STYX: variants seen among roughly 807,000 people sequenced by gnomAD.
The protein encoded by STYX is serine/threonine/tyrosine interacting protein.
A neutral mutation model predicts 42.7 loss-of-function variants in STYX; 20 were observed. The ratio of observed to expected loss-of-function variants is 0.47; its 90% CI spans 0.33 to 0.68. The LOEUF is 0.68. STYX is among the 30% of genes least tolerant of loss of function. STYX has a pLI of 0.02. For missense variants in STYX, 226 were observed against 268.5 expected (o/e 0.84, Z 1.11); for synonymous variants, 78 against 81.9 (o/e 0.95, Z 0.26).
At chr14:52,760,801 T>A (rs895489836) in intron 9 of STYX, among the ~76,000 whole-genome samples, 2 of 152,146 alleles carry the variant, frequency 1.3e-5, no homozygotes, top group Admixed American at 6.5e-5. Context: ...TCATTTTTTT[T>A]AAACTATTTT....
chr14:52,764,718 G>C (rs1882233481), intron 9 of STYX, among the ~76,000 whole-genome samples: 1 of 137,476 alleles, frequency 7.3e-6, no homozygotes, highest in Non-Finnish European at 1.5e-5. Flanking sequence ...GCCCAGGCTG[G>C]AGTACAGTGG....
At chr14:52,754,124 G>A (rs1401653867) in intron 4 of STYX, among the ~76,000 whole-genome samples, 1 of 151,902 alleles carries the variant, frequency 6.6e-6, no homozygotes, top group Non-Finnish European at 1.5e-5. Flanking sequence ...TCCTGACCTC[G>A]TGATCCGCCT....
At chr14:52,759,888 T>C (rs1264172003) in intron 9 of STYX, 134 bp downstream of exon 9, 3 of 625,246 alleles carry the variant, frequency 4.8e-6, no homozygotes, top group South Asian at 4.0e-5. Flanking sequence ...TTATTCAAGT[T>C]TATATCTCTA....
At chr14:52,735,134 T>A (rs1187095548) in intron 1 of STYX, among the ~76,000 whole-genome samples, 1 of 152,174 alleles carries the variant, frequency 6.6e-6, no homozygotes, top group Non-Finnish European at 1.5e-5. Flanking sequence ...CCAGGTATTA[T>A]AAAGCATCAG....
intron 1 of STYX, among the ~76,000 whole-genome samples, chr14:52,744,507 T>A (rs191595348): frequency 8.9e-4 from 135 of 152,160 alleles, no homozygotes; most frequent in African/African-American, 3.1e-3. Flanking sequence ...AGAGTTGGCA[T>A]GAGAAACAAA....
chr14:52,756,764 C>T (rs140692404), intron 5 of STYX, among the ~76,000 whole-genome samples, 153 bp downstream of exon 5: 4,352 of 143,942 alleles, frequency 0.03, 90 homozygotes, highest in Middle Eastern at 0.072. Flanking sequence ...CTTGGCTCAC[C>T]ACAACCTCTG....
chr14:52,756,752 A>T (rs1270778087), intron 5 of STYX, 141 bp downstream of exon 5: 2 of 435,806 alleles, frequency 4.6e-6, no homozygotes, highest in Non-Finnish European at 3.9e-6. Flanking sequence ...CAATGGCGCA[A>T]TCTTGGCTCA....
At chr14:52,757,662 GT>G in intron 6 of STYX, 80 bp from the exon 7 acceptor site, 1 of 1,266,172 alleles carries the variant, frequency 7.9e-7, no homozygotes, top group Non-Finnish European at 1.1e-6. Context: ...TATATAAGGA[GT>G]TACTTTACTG....
In STYX at chr14:52,755,131, T is replaced by TG. The variant is rs796072215; in HGVS notation, c.243-1420_243-1419insG. Among the ~76,000 whole-genome samples, 53 of 150,716 alleles carry TG rather than the reference T, an allele frequency of 3.5e-4. No homozygotes were observed. In the South Asian group the frequency reaches 5.2e-3, roughly 15 times the overall value. On this transcript the variant is annotated intron_variant, in intron 4 of 10. Transcript: ENST00000354586. ...TTTGTTTGTTTTTTTGTTTTTTTTT[T>TG]TTTGTTTTTGAAACAGAGTCTTGCT...
intron 5 of STYX, among the ~76,000 whole-genome samples, chr14:52,756,875 C>T (rs1594877136): frequency 6.6e-6 from 1 of 151,586 alleles, no homozygotes; most frequent in Admixed American, 6.6e-5. Flanking sequence ...TTAGTAGAGA[C>T]GGGGTTTCTC....
chr14:52,766,840 GTTC>G (rs1299485955), intron 9 of STYX, among the ~76,000 whole-genome samples: 1 of 146,714 alleles, frequency 6.8e-6, no homozygotes, highest in East Asian at 2.0e-4. Context: ...TTGCAGCTTT[GTTC>G]TTTTTTTTTT....
rs192469302 is a variant in STYX at position 52,736,416 on chromosome 14, A to G, written c.57+5885A>G. Among the ~76,000 whole-genome samples the G allele has an allele frequency of 5.9e-3, 899 of 152,342 alleles. 7 individuals are homozygous for G. Among genetic ancestry groups the G allele is most frequent in the African/African-American group, 0.02 (825 of 41,568 alleles). ...TTCATAAGAGAGCTTAGATATTAGG[A>G]AGAAGGAGTAGCTGATAGTACCAAT... On this transcript the variant is annotated intron_variant, in intron 1 of 10. Coordinates refer to ENST00000354586, the MANE Select transcript of STYX (RefSeq NM_145251.4).
intron 1 of STYX, among the ~76,000 whole-genome samples, chr14:52,744,379 G>A (rs1312453449): frequency 6.6e-6 from 1 of 152,194 alleles, no homozygotes; most frequent in Non-Finnish European, 1.5e-5. Flanking sequence ...ATCAGAGATG[G>A]CAAGTACGTA....
chr14:52,755,375 G>A (rs1330378616), intron 4 of STYX, among the ~76,000 whole-genome samples: 2 of 151,900 alleles, frequency 1.3e-5, no homozygotes, highest in African/African-American at 4.8e-5. Context: ...CACCTGCCTC[G>A]GCTTCCCCAA....
intron 8 of STYX, 87 bp from the exon 9 acceptor site, chr14:52,759,595 C>T (rs1594878807): frequency 1.1e-6 from 1 of 873,194 alleles, no homozygotes; most frequent in South Asian, 1.5e-5. Context: ...CATTACAACT[C>T]ATTACCCCTC....
chr14:52,756,558 G>C lies in STYX; in HGVS notation c.250G>C (p.Val84Leu), dbSNP rs755539761. ...AAAATACTCTATTTTCAGATATTTA[G>C]TCCTGGATATTGCAGATAATCCAGT... ...PNFQQLFRYL[V>L]LDIADNPVEN... The change falls in exon 5 of 11, where the codon GTC becomes CTC. Residue 84 changes from valine (V) to leucine (L), a missense_variant. Coordinates refer to ENST00000354586, the MANE Select transcript of STYX (RefSeq NM_145251.4). 8.5e-6 allele frequency: 13 copies of C among 1,523,720 alleles called. No individual in the cohort carries two copies. The Admixed American group carries it at 2.5e-4, about 29-fold the overall frequency. 94.4% of individuals were successfully genotyped at this position (1,523,720 alleles called of 1,614,324 possible).
intron 9 of STYX, 127 bp from the exon 10 acceptor site, chr14:52,768,713 T>C: frequency 1.7e-6 from 1 of 587,942 alleles, no homozygotes. Flanking sequence ...CCATTTCTCT[T>C]CAAACAATAT....
Position 52,759,732 on chromosome 14 carries a change from C to T in STYX, c.482C>T (p.Ala161Val). The change falls in exon 9 of 11, where the codon GCT becomes GTT. Residue 161 changes from alanine to valine, a missense_variant. Ala to Val is a moderately conservative substitution (Grantham distance 64). Coordinates refer to ENST00000354586, the MANE Select transcript of STYX (RefSeq NM_145251.4). ...AGAAGATTTTGTATTAATCCTAATG[C>T]TGGATTTGTCCATCAACTTCAGGTA... Reference protein sequence around the residue: ...QERRFCINPNAGFVHQLQEYE... With the variant: ...QERRFCINPNVGFVHQLQEYE... The T allele has an allele frequency of 1.2e-6, 2 of 1,610,728 alleles. No homozygotes were observed. The highest frequency in any genetic ancestry group is 1.7e-6 in the Non-Finnish European group (2 of 1,178,164).
In STYX at chr14:52,742,608, G is replaced by A. The variant is rs139059011; in HGVS notation, c.58-2244G>A. On this transcript the variant is annotated intron_variant, in intron 1 of 10. Transcript: ENST00000354586. Reference sequence around the variant, plus strand: ...TGTGTCATCAAAAGATTTAGAAAAGGCATTTCAGTGTGCTGAGCAGAGGAA... The same window carrying A: ...TGTGTCATCAAAAGATTTAGAAAAGACATTTCAGTGTGCTGAGCAGAGGAA... Among the ~76,000 whole-genome samples, 730 of 152,236 alleles carry A rather than the reference G, an allele frequency of 4.8e-3. 8 individuals carry two copies. Among genetic ancestry groups the A allele is most frequent in the African/African-American group, 0.017 (707 of 41,544 alleles).
Sources: gnomAD v4.1 joint callset for allele counts (sites outside exome capture counted in the v4.1 genomes callset) on GRCh38, gnomAD v4.1.1 for gene constraint, MANE v1.5 for transcripts, NCBI Gene and HGNC (gene_info 2026-07-23, HGNC 2026-07-21) for gene names.